THRB: variants seen among roughly 807,000 people sequenced by gnomAD.
THRB encodes nuclear receptor subfamily 1 group A member 2.
In THRB, 12 loss-of-function variants were observed where a neutral mutation model predicts 47.8. That is an observed-to-expected ratio of 0.25 (90% CI 0.16 to 0.41). THRB has a LOEUF of 0.41. THRB is among the 10% of genes least tolerant of loss of function. The pLI is 1.00. For synonymous variants in THRB, 218 were observed against 212.2 expected (o/e 1.03, Z -0.24); for missense variants, 348 against 589.2 (o/e 0.59, Z 4.24).
intron 1 of THRB, among the ~76,000 whole-genome samples, chr3:24,482,131 C>G (rs1696530269): frequency 6.6e-6 from 1 of 152,164 alleles, no homozygotes; most frequent in Non-Finnish European, 1.5e-5. Context: ...TGATTTCCTG[C>G]CTTTTGGACA....
intron 2 of THRB, among the ~76,000 whole-genome samples, chr3:24,308,846 C>A (rs1031919870): frequency 6.6e-6 from 1 of 152,140 alleles, no homozygotes; most frequent in South Asian, 2.1e-4. Context: ...GGAATAGGTG[C>A]ATGTTCCCCT....
chr3:24,439,206 G>A (rs905785470), intron 1 of THRB, among the ~76,000 whole-genome samples: 3 of 152,104 alleles, frequency 2.0e-5, no homozygotes, highest in Non-Finnish European at 4.4e-5. Context: ...TGAGGTAGAT[G>A]TCATTGTCAA....
At chr3:24,205,193 C>G (rs1044623124) in intron 4 of THRB, among the ~76,000 whole-genome samples, 13 of 152,152 alleles carry the variant, frequency 8.5e-5, no homozygotes, top group African/African-American at 1.9e-4. Context: ...CTCCAAGACA[C>G]ATAATTGTCA....
chr3:24,244,984 C>T (rs1194827549), intron 3 of THRB, among the ~76,000 whole-genome samples: 2 of 152,102 alleles, frequency 1.3e-5, no homozygotes, highest in African/African-American at 4.8e-5. Context: ...TGACATATGC[C>T]CATCAGTGCA....
chr3:24,195,549 G>C (rs573395015), intron 4 of THRB, among the ~76,000 whole-genome samples: 2 of 152,290 alleles, frequency 1.3e-5, no homozygotes, highest in South Asian at 2.1e-4. Flanking sequence ...AGAGCAGCCA[G>C]AGTGAGCATT....
At chr3:24,459,928 T>C (rs1478310925) in intron 1 of THRB, among the ~76,000 whole-genome samples, 1 of 152,212 alleles carries the variant, frequency 6.6e-6, no homozygotes, top group Non-Finnish European at 1.5e-5. Context: ...GGGCATAATA[T>C]CACGCTCTTA....
intron 2 of THRB, among the ~76,000 whole-genome samples, chr3:24,334,226 T>C (rs2062098098): frequency 6.6e-6 from 1 of 151,988 alleles, no homozygotes; most frequent in East Asian, 1.9e-4. Context: ...TTCTTGCCCG[T>C]TGAAAGCAAA....
At chr3:24,253,867 A>T (rs2050921259) in intron 3 of THRB, among the ~76,000 whole-genome samples, 3 of 152,026 alleles carry the variant, frequency 2.0e-5, no homozygotes, top group African/African-American at 7.2e-5. Context: ...AAGCCCTGTC[A>T]TCTTATGAAG....
intron 3 of THRB, among the ~76,000 whole-genome samples, chr3:24,272,779 T>C (rs1182119763): frequency 6.6e-6 from 1 of 152,220 alleles, no homozygotes; most frequent in Non-Finnish European, 1.5e-5. Flanking sequence ...TCATTTCAGA[T>C]CCTTAGCACT....
intron 4 of THRB, among the ~76,000 whole-genome samples, chr3:24,215,887 G>A (rs1448081102): frequency 3.3e-5 from 5 of 152,204 alleles, no homozygotes; most frequent in Non-Finnish European, 5.9e-5. Context: ...AGATGGGGAT[G>A]TAAGAAGGAA....
chr3:24,405,464 G>T (rs2067746611), intron 1 of THRB, among the ~76,000 whole-genome samples: 1 of 151,848 alleles, frequency 6.6e-6, no homozygotes, highest in South Asian at 2.1e-4. Flanking sequence ...AAAGTTTGTG[G>T]GCCTTTGGTC....
At chr3:24,190,938 G>T (rs888261272) in intron 4 of THRB, among the ~76,000 whole-genome samples, 10 of 151,804 alleles carry the variant, frequency 6.6e-5, no homozygotes, top group African/African-American at 2.4e-4. Flanking sequence ...AAGGGCTTCA[G>T]TAGAGTCCCA....
intron 3 of THRB, among the ~76,000 whole-genome samples, chr3:24,267,011 G>C (rs2052733423): frequency 6.6e-6 from 1 of 151,576 alleles, no homozygotes; most frequent in Non-Finnish European, 1.5e-5. Flanking sequence ...AGAAAAATAA[G>C]AAAGTTTCCC....
chr3:24,124,114 A>T (rs2032248128), intron 10 of THRB, among the ~76,000 whole-genome samples: 1 of 152,208 alleles, frequency 6.6e-6, no homozygotes, highest in African/African-American at 2.4e-5. Flanking sequence ...TCACACTTCA[A>T]AGGTCCAATT....
At chr3:24,180,681 C>G (rs1321889405) in intron 5 of THRB, among the ~76,000 whole-genome samples, 2 of 152,188 alleles carry the variant, frequency 1.3e-5, no homozygotes, top group African/African-American at 4.8e-5. Context: ...ATCAAGAAGG[C>G]TGAACTGGCC....
intron 1 of THRB, among the ~76,000 whole-genome samples, chr3:24,346,100 G>A (rs184032905): frequency 1.1e-3 from 172 of 152,116 alleles, no homozygotes; most frequent in African/African-American, 3.8e-3. Context: ...TGGTAAATAC[G>A]CAGTAAATCT....
intron 1 of THRB, among the ~76,000 whole-genome samples, chr3:24,452,460 G>C (rs959302479): frequency 6.6e-6 from 1 of 152,028 alleles, no homozygotes; most frequent in African/African-American, 2.4e-5. Context: ...GGTTGAGAAG[G>C]GGAGAAGTGT....
intron 1 of THRB, among the ~76,000 whole-genome samples, chr3:24,457,417 T>A (rs1372618949): frequency 6.6e-6 from 1 of 152,204 alleles, no homozygotes; most frequent in Non-Finnish European, 1.5e-5. Context: ...GCATAAAAGA[T>A]GAATGAGAAA....
intron 3 of THRB, among the ~76,000 whole-genome samples, chr3:24,258,834 A>T (rs2051607553): frequency 6.6e-6 from 1 of 152,218 alleles, no homozygotes; most frequent in Non-Finnish European, 1.5e-5. Flanking sequence ...ACCAGCAAGT[A>T]GCAAAACCAG....
Sources: gnomAD v4.1 joint callset for allele counts (sites outside exome capture counted in the v4.1 genomes callset) on GRCh38, gnomAD v4.1.1 for gene constraint, MANE v1.5 for transcripts, NCBI Gene and HGNC (gene_info 2026-07-23, HGNC 2026-07-21) for gene names.